The following SMOC2 variants were observed in gnomAD, a reference collection of about 807,000 sequenced individuals.
The protein encoded by SMOC2 is SPARC related modular calcium binding 2, also known as SPARC-related modular calcium-binding protein 2.
A neutral mutation model predicts 61.4 loss-of-function variants in SMOC2; 39 were observed. That is an observed-to-expected ratio of 0.64 (90% CI 0.49 to 0.83). SMOC2 has a LOEUF of 0.83. Among genes scored for constraint, SMOC2 ranks in the 40% least tolerant of loss-of-function variants. The pLI, the probability that SMOC2 is intolerant of heterozygous loss-of-function variation, is 0.00. For missense variants in SMOC2, 556 were observed against 592.9 expected, an observed-to-expected ratio of 0.94 and a Z score of 0.65; for synonymous variants, 247 against 239.9, an observed-to-expected ratio of 1.03 and a Z score of -0.27.
intron 9 of SMOC2, among the ~76,000 whole-genome samples, chr6:168,618,474 G>A (rs937901903): frequency 2.0e-5 from 3 of 150,224 alleles, no homozygotes; most frequent in African/African-American, 7.4e-5. Flanking sequence ...GAGGAGAGGC[G>A]GGTAGTGGCA....
chr6:168,546,245 T>C (rs1270100002), intron 5 of SMOC2, among the ~76,000 whole-genome samples: 1 of 107,662 alleles, frequency 9.3e-6, no homozygotes, highest in Non-Finnish European at 1.7e-5. Flanking sequence ...ATAAGCAAGC[T>C]TCAGTGAAAA....
At chr6:168,512,999 C>G (rs1174229392) in intron 2 of SMOC2, among the ~76,000 whole-genome samples, 1 of 152,116 alleles carries the variant, frequency 6.6e-6, no homozygotes, top group African/African-American at 2.4e-5. Flanking sequence ...ATTTAAAACA[C>G]AGATGTGAAA....
intron 11 of SMOC2, among the ~76,000 whole-genome samples, chr6:168,655,724 TCA>T (rs561307768): frequency 1.6e-3 from 242 of 151,572 alleles, no homozygotes; most frequent in Non-Finnish European, 2.5e-3. Flanking sequence ...CTGGATCCCC[TCA>T]CACATGTGTG....
rs1230024841 is a variant in SMOC2, at chr6:168,542,250, G to A, written c.464-1375G>A. Among the ~76,000 whole-genome samples, 6 of 152,244 alleles carry A rather than the reference G, an allele frequency of 3.9e-5. No individual in the cohort carries two copies. In the South Asian group the frequency reaches 1.2e-3, roughly 32 times the overall value. On this transcript the variant is annotated intron_variant, in intron 4 of 12. Coordinates refer to ENST00000356284, the MANE Select transcript of SMOC2 (RefSeq NM_001166412.2). The stretch of plus-strand genomic sequence containing the variant: ...CAAAGGAGGATTTTGAGAGCTTCAG[G>A]AGGTGGCCACACAGTGAGGTTAGCT...
chr6:168,476,301 G>A (rs1360502829), intron 1 of SMOC2, among the ~76,000 whole-genome samples: 3 of 152,118 alleles, frequency 2.0e-5, no homozygotes, highest in Non-Finnish European at 4.4e-5. Flanking sequence ...TCACTGAGTA[G>A]ACGAGAAAGT....
intron 1 of SMOC2, among the ~76,000 whole-genome samples, chr6:168,457,327 G>A (rs942259043): frequency 2.0e-5 from 3 of 152,288 alleles, no homozygotes; most frequent in East Asian, 1.9e-4. Context: ...CCAGCGTGAC[G>A]CCAGCCACGG....
chr6:168,521,824 G>A (rs766035318), intron 2 of SMOC2, among the ~76,000 whole-genome samples: 8 of 152,302 alleles, frequency 5.3e-5, no homozygotes, highest in Non-Finnish European at 1.0e-4. Context: ...GCAGTGAGCC[G>A]TGATGGCACC....
Position 168,666,765 on chromosome 6 carries a change from C to T in SMOC2, c.*327C>T, listed in dbSNP as rs111876323. 0.025 allele frequency: 7,607 copies of T among 299,064 alleles called. 126 individuals are homozygous for T. Among genetic ancestry groups the T allele is most frequent in the Non-Finnish European group, 0.036 (5,731 of 159,234 alleles). The allele number at this position is 299,064 out of a possible 1,614,324, so 18.5% of individuals were successfully genotyped here. Reference sequence around the variant, plus strand: ...GAGCTCTATGCACTCCGGCTGCAATCGTATGGCTTTCTCTAACCCCTGCAG... The same window carrying T: ...GAGCTCTATGCACTCCGGCTGCAATTGTATGGCTTTCTCTAACCCCTGCAG... On this transcript the variant is annotated 3_prime_UTR_variant, in exon 13 of 13. Transcript: ENST00000356284.
In SMOC2 at chr6:168,667,456, T is replaced by G. The variant is rs1787691168; in HGVS notation, c.*1018T>G. 6.6e-6 allele frequency: 1 copy of G among 152,202 alleles called. No individual in the cohort carries two copies. The highest frequency in any genetic ancestry group is 2.4e-5 in the African/African-American group (1 of 41,432). The allele number at this position is 152,202 out of a possible 1,614,324, so 9.4% of individuals were successfully genotyped here. On this transcript the variant is annotated 3_prime_UTR_variant, in exon 13 of 13. Transcript: ENST00000356284. ...GGAGGTGCCTGAGGGTCCCCACGGTTCCTTTCTGCTTTTCTGAATGCATCA... is the reference window on the plus strand; with the variant it reads ...GGAGGTGCCTGAGGGTCCCCACGGTGCCTTTCTGCTTTTCTGAATGCATCA...
At chr6:168,462,919 G>C (rs1171456828) in intron 1 of SMOC2, among the ~76,000 whole-genome samples, 1 of 152,182 alleles carries the variant, frequency 6.6e-6, no homozygotes, top group Non-Finnish European at 1.5e-5. Context: ...GAGAGGAGCT[G>C]ACATTCCTGT....
rs112983952 is a variant in SMOC2 at position 168,599,090 on chromosome 6, A to G, written c.824+86A>G. 3.6e-4 allele frequency: 416 copies of G among 1,151,292 alleles called. 2 individuals carry two copies. In the African/African-American group the frequency reaches 5.7e-3, roughly 16 times the overall value. The allele number at this position is 1,151,292 out of a possible 1,614,324, so 71.3% of individuals were successfully genotyped here. A position where few individuals can be genotyped will look rare whatever the true frequency, so the allele number is the denominator to read the frequency against. On this transcript the variant is annotated intron_variant, in intron 8 of 12. Coordinates refer to ENST00000356284, the MANE Select transcript of SMOC2 (RefSeq NM_001166412.2). ...GAAAGCAGAACCCCCACTTCCCCCA[A>G]CACACACCGACACACAGTCACACAC...
intron 1 of SMOC2, among the ~76,000 whole-genome samples, chr6:168,471,623 C>T (rs186076623): frequency 2.0e-5 from 3 of 152,262 alleles, no homozygotes; most frequent in East Asian, 1.9e-4. Context: ...AAGAAACCAC[C>T]GTATTATTTT....
intron 1 of SMOC2, among the ~76,000 whole-genome samples, chr6:168,503,465 G>T (rs1398455540): frequency 6.6e-6 from 1 of 152,108 alleles, no homozygotes; most frequent in Admixed American, 6.5e-5. Flanking sequence ...GCTCCTGTGA[G>T]GCACCTCCGT....
At chr6:168,456,362 C>T (rs538725458) in intron 1 of SMOC2, among the ~76,000 whole-genome samples, 30 of 152,320 alleles carry the variant, frequency 2.0e-4, no homozygotes, top group African/African-American at 5.5e-4. Flanking sequence ...CAGGTGGCCG[C>T]GGCCATTCTC....
At position 168,535,404 on chromosome 6, in the gene SMOC2, A is replaced by C. The variant is rs1783708628; in HGVS notation, c.463+7677A>C. Among the ~76,000 whole-genome samples, 1 of 152,242 alleles carries C rather than the reference A, an allele frequency of 6.6e-6. No homozygotes were observed. Among genetic ancestry groups the C allele is most frequent in the South Asian group, 2.1e-4 (1 of 4,830 alleles). On this transcript the variant is annotated intron_variant, in intron 4 of 12. Transcript: ENST00000356284. This position sits in a 1 kb window ranked among gnomAD's most constrained non-coding sequence, Gnocchi z 4.6. ...CAACAGTTAAATGTTGCAAAGATTT[A>C]TGAAACTATTAAAATGTTGTGTGGC... is the stretch of plus-strand genomic sequence containing the variant.
At chr6:168,528,446 C>T (rs1000749963) in intron 4 of SMOC2, among the ~76,000 whole-genome samples, 1 of 152,138 alleles carries the variant, frequency 6.6e-6, no homozygotes, top group Admixed American at 6.5e-5. Context: ...CAAAACACAT[C>T]AATATAAAGC....
At chr6:168,471,086 ATCT>A (rs1189521030) in intron 1 of SMOC2, among the ~76,000 whole-genome samples, 1 of 152,224 alleles carries the variant, frequency 6.6e-6, no homozygotes, top group African/African-American at 2.4e-5. Flanking sequence ...ACAGTTTATC[ATCT>A]TAACCATTTT....
At chr6:168,466,753 C>T (rs186239263) in intron 1 of SMOC2, among the ~76,000 whole-genome samples, 12 of 152,376 alleles carry the variant, frequency 7.9e-5, no homozygotes, top group Admixed American at 3.3e-4. Flanking sequence ...TCGGCCAAGG[C>T]CGGTGGAGGG....
chr6:168,511,303 C>G (rs1783002555), intron 2 of SMOC2, among the ~76,000 whole-genome samples: 1 of 152,158 alleles, frequency 6.6e-6, no homozygotes, highest in Admixed American at 6.5e-5. Context: ...TTCTGCACAG[C>G]TGGGGAGGCC....
Sources: allele counts gnomAD v4.1 joint callset (sites outside exome capture counted in the v4.1 genomes callset), GRCh38; gene constraint gnomAD v4.1.1; non-coding constraint Gnocchi (gnomAD v3.1); transcripts MANE v1.5; gene names NCBI Gene and HGNC (gene_info 2026-07-23, HGNC 2026-07-21).